SEMA5A: variants seen among roughly 807,000 people sequenced by gnomAD.
The protein encoded by SEMA5A is semaphorin 5A, also known as semaphorin-5A.
A neutral mutation model predicts 135.5 loss-of-function variants in SEMA5A; 55 were observed. The observed-to-expected ratio is 0.41, with a 90% CI of 0.33 to 0.51. The LOEUF (loss-of-function observed/expected upper bound fraction) is 0.51. SEMA5A is among the 20% of genes least tolerant of loss of function. The pLI is 0.37. For synonymous variants in SEMA5A, 580 were observed against 546.5 expected (o/e 1.06, Z -0.85); for missense variants, 1,290 against 1,419.9 (o/e 0.91, Z 1.47).
intron 11 of SEMA5A, among the ~76,000 whole-genome samples, chr5:9,162,460 GTGTGTATATA>G (rs1403499399): frequency 1.9e-3 from 152 of 79,082 alleles, no homozygotes; most frequent in Middle Eastern, 6.6e-3. Context: ...ATATATATGT[GTGTGTATATA>G]TATGTGTGTG....
At chr5:9,265,958 A>G (rs972676384) in intron 5 of SEMA5A, among the ~76,000 whole-genome samples, 1 of 152,230 alleles carries the variant, frequency 6.6e-6, no homozygotes, top group Admixed American at 6.5e-5. Flanking sequence ...CTACATTTCA[A>G]CATTCCTTGC....
At chr5:9,298,292 T>A (rs932809915) in intron 5 of SEMA5A, among the ~76,000 whole-genome samples, 1 of 152,142 alleles carries the variant, frequency 6.6e-6, no homozygotes, top group African/African-American at 2.4e-5. Flanking sequence ...TGGTGATGTG[T>A]GTACAAGCTG....
chr5:9,477,901 C>T (rs268513), intron 1 of SEMA5A, among the ~76,000 whole-genome samples: 3,042 of 152,258 alleles, frequency 0.02, 101 homozygotes, highest in African/African-American at 0.068. Context: ...ATGGGGAAAA[C>T]GTCTCCAAGG....
At chr5:9,082,695 C>T (rs1015189248) in intron 16 of SEMA5A, among the ~76,000 whole-genome samples, 3 of 152,130 alleles carry the variant, frequency 2.0e-5, no homozygotes, top group African/African-American at 7.2e-5. Context: ...AGCATAGAGC[C>T]TGTTCTATAT....
At chr5:9,081,006 C>T (rs1315626830) in intron 16 of SEMA5A, among the ~76,000 whole-genome samples, 1 of 152,208 alleles carries the variant, frequency 6.6e-6, no homozygotes, top group Non-Finnish European at 1.5e-5. Context: ...CCTCCTCGTA[C>T]CTTACTAGAA....
intron 15 of SEMA5A, among the ~76,000 whole-genome samples, chr5:9,117,740 A>G (rs367707710): frequency 3.3e-5 from 5 of 152,300 alleles, no homozygotes; most frequent in South Asian, 4.1e-4. Context: ...CTAGGTGACA[A>G]TTCATAGCAT....
intron 6 of SEMA5A, among the ~76,000 whole-genome samples, chr5:9,233,514 C>T (rs753953949): frequency 8.6e-5 from 13 of 151,944 alleles, no homozygotes; most frequent in Non-Finnish European, 1.8e-4. Flanking sequence ...CAAAGGCACT[C>T]CCTCTTTCCC....
intron 5 of SEMA5A, among the ~76,000 whole-genome samples, chr5:9,266,593 A>G (rs1357531608): frequency 6.6e-6 from 1 of 152,236 alleles, no homozygotes; most frequent in Non-Finnish European, 1.5e-5. Flanking sequence ...TCTTCTAAGC[A>G]ACTTCTTCTC....
At chr5:9,052,822 C>A (rs1170007339) in intron 19 of SEMA5A, among the ~76,000 whole-genome samples, 1 of 151,272 alleles carries the variant, frequency 6.6e-6, no homozygotes, top group Non-Finnish European at 1.5e-5. Flanking sequence ...AAAAAAAAAA[C>A]TCTGGATATT....
chr5:9,144,532 G>C (rs16882093), intron 12 of SEMA5A, among the ~76,000 whole-genome samples: 3 of 151,988 alleles, frequency 2.0e-5, no homozygotes, highest in Non-Finnish European at 4.4e-5. Flanking sequence ...CCCTCTCAGC[G>C]GGTAGTTACA....
At chr5:9,278,043 G>A (rs942980744) in intron 5 of SEMA5A, among the ~76,000 whole-genome samples, 10 of 150,884 alleles carry the variant, frequency 6.6e-5, no homozygotes, top group Admixed American at 6.6e-5. Flanking sequence ...TTGGAGATGT[G>A]TTTATTTTAC....
chr5:9,474,853 G>T (rs1268695185), intron 1 of SEMA5A, among the ~76,000 whole-genome samples: 1 of 152,162 alleles, frequency 6.6e-6, no homozygotes, highest in Non-Finnish European at 1.5e-5. Context: ...TCTGAAACAG[G>T]TGAGCCTTTT....
At chr5:9,107,472 C>T (rs1739983571) in intron 16 of SEMA5A, among the ~76,000 whole-genome samples, 1 of 152,120 alleles carries the variant, frequency 6.6e-6, no homozygotes, top group Non-Finnish European at 1.5e-5. Flanking sequence ...TCCGGTTCAT[C>T]CCACAATGTT....
intron 2 of SEMA5A, among the ~76,000 whole-genome samples, chr5:9,430,054 G>C (rs866673248): frequency 1.8e-4 from 27 of 152,220 alleles, no homozygotes; most frequent in Middle Eastern, 6.3e-3. Context: ...AGGGAGCAGT[G>C]AAGGTGCTGA....
chr5:9,351,747 T>G (rs1482288788), intron 3 of SEMA5A, among the ~76,000 whole-genome samples: 1 of 152,188 alleles, frequency 6.6e-6, no homozygotes, highest in Non-Finnish European at 1.5e-5. Flanking sequence ...CCCACACAGA[T>G]GAAGACATAT....
chr5:9,228,032 C>T (rs1011477848), intron 6 of SEMA5A, among the ~76,000 whole-genome samples: 1 of 152,174 alleles, frequency 6.6e-6, no homozygotes, highest in African/African-American at 2.4e-5. Context: ...GACATGTGAG[C>T]TGGAGAGCTC....
At chr5:9,214,592 A>C (rs933432749) in intron 8 of SEMA5A, among the ~76,000 whole-genome samples, 1 of 152,146 alleles carries the variant, frequency 6.6e-6, no homozygotes, top group African/African-American at 2.4e-5. Context: ...GTAGGTCCTT[A>C]CTCAGGGATC....
intron 18 of SEMA5A, among the ~76,000 whole-genome samples, chr5:9,055,941 T>A (rs1736867008): frequency 6.6e-6 from 1 of 152,132 alleles, no homozygotes; most frequent in Non-Finnish European, 1.5e-5. Context: ...TGCTGACAGT[T>A]TTTTTCTGTT....
intron 21 of SEMA5A, among the ~76,000 whole-genome samples, chr5:9,046,840 A>T (rs1247344182): frequency 6.6e-6 from 1 of 151,984 alleles, no homozygotes. Flanking sequence ...GTCAGGCAAA[A>T]CTCACAACAC....
Sources: gnomAD v4.1 joint callset for allele counts (sites outside exome capture counted in the v4.1 genomes callset) on GRCh38, gnomAD v4.1.1 for gene constraint, MANE v1.5 for transcripts, NCBI Gene and HGNC (gene_info 2026-07-23, HGNC 2026-07-21) for gene names.